MRTFB: variants seen among roughly 807,000 people sequenced by gnomAD.
MRTFB encodes myocardin-related transcription factor B.
In MRTFB, 29 loss-of-function variants were observed where a neutral mutation model predicts 104.2. The observed-to-expected ratio is 0.28, with a 90% CI of 0.21 to 0.38. The LOEUF is 0.38. Ranked by LOEUF, MRTFB falls within the 10% of genes least tolerant of loss-of-function variation. The probability of loss-of-function intolerance (pLI) is 1.00; values close to 1 mark genes in which losing one functional copy is unlikely to be tolerated. For synonymous variants in MRTFB, 535 were observed against 519.5 expected, an observed-to-expected ratio of 1.03 and a Z score of -0.41; for missense variants, 1,270 against 1,341.6, an observed-to-expected ratio of 0.95 and a Z score of 0.83.
At chr16:14,039,825 T>C in the MRTFB span, among the ~76,000 whole-genome samples, 9 of 150,908 alleles carry the variant, frequency 6.0e-5, no homozygotes, top group Admixed American at 6.0e-4. Context: ...CTCGGCTCAC[T>C]GCAACCTCCG....
At chr16:14,216,401 CATTAACAAG>C (rs2041428791) in intron 6 of MRTFB, among the ~76,000 whole-genome samples, 1 of 152,092 alleles carries the variant, frequency 6.6e-6, no homozygotes, top group Admixed American at 6.6e-5. Flanking sequence ...ATGGAAAAAA[CATTAACAAG>C]AGTTACCAGA....
intron 2 of MRTFB, among the ~76,000 whole-genome samples, chr16:14,128,634 A>G (rs755071301): frequency 1.3e-5 from 2 of 152,156 alleles, no homozygotes; most frequent in Non-Finnish European, 2.9e-5. Flanking sequence ...ATCTTTCCAT[A>G]TCAGTATCAC....
At chr16:14,067,028 T>C (rs2033533046), upstream of MRTFB, among the ~76,000 whole-genome samples, 1 of 152,072 alleles carries the variant, frequency 6.6e-6, no homozygotes, top group South Asian at 2.1e-4. Flanking sequence ...GTGGTCTTGT[T>C]ATGCCCACCC....
intron 3 of MRTFB, among the ~76,000 whole-genome samples, chr16:14,190,326 A>G (rs946490516): frequency 6.6e-6 from 1 of 152,216 alleles, no homozygotes; most frequent in Non-Finnish European, 1.5e-5. Context: ...CTCTGATTAC[A>G]CTCAACATAC....
chr16:14,259,272 C>T (rs1223567327), intron 16 of MRTFB, among the ~76,000 whole-genome samples: 1 of 151,242 alleles, frequency 6.6e-6, no homozygotes, highest in Non-Finnish European at 1.5e-5. Flanking sequence ...CCCGTCTCTA[C>T]TAAAAATACA....
the MRTFB span, among the ~76,000 whole-genome samples, chr16:14,056,121 G>C: frequency 1.5e-4 from 23 of 152,196 alleles, no homozygotes; most frequent in East Asian, 3.9e-3. Context: ...TGGGATTACA[G>C]GTGTGCACCA....
At chr16:14,027,372 A>G in the MRTFB span, among the ~76,000 whole-genome samples, 1 of 152,216 alleles carries the variant, frequency 6.6e-6, no homozygotes, top group African/African-American at 2.4e-5. Context: ...GCCAGGGGTT[A>G]GGATTGGAGA....
intron 2 of MRTFB, among the ~76,000 whole-genome samples, chr16:14,079,767 A>C (rs1031205436): frequency 6.6e-6 from 1 of 152,094 alleles, no homozygotes; most frequent in Non-Finnish European, 1.5e-5. Flanking sequence ...TTTTACTATA[A>C]TAATGAAAAA....
At chr16:14,004,887 C>T in the MRTFB span, among the ~76,000 whole-genome samples, 1 of 152,244 alleles carries the variant, frequency 6.6e-6, no homozygotes, top group African/African-American at 2.4e-5. Context: ...AGAACCAGCT[C>T]CCATCTGTCC....
intron 3 of MRTFB, among the ~76,000 whole-genome samples, chr16:14,199,184 C>T (rs561578780): frequency 6.6e-6 from 1 of 152,312 alleles, no homozygotes; most frequent in East Asian, 1.9e-4. Context: ...TTGATCATGC[C>T]TCCTTTAAAA....
chr16:14,154,703 CAG>C (rs941621527), intron 3 of MRTFB, among the ~76,000 whole-genome samples: 94 of 152,282 alleles, frequency 6.2e-4, no homozygotes, highest in African/African-American at 1.7e-3. Context: ...CAGCCAAGGC[CAG>C]AGTTTCATCT....
intron 3 of MRTFB, among the ~76,000 whole-genome samples, chr16:14,158,971 A>AT (rs1287599033): frequency 6.3e-5 from 9 of 143,652 alleles, no homozygotes; most frequent in Non-Finnish European, 1.2e-4. Context: ...TCTCATAAAG[A>AT]TTAAAAAAAA....
chr16:14,064,719 C>A, the MRTFB span, among the ~76,000 whole-genome samples: 1 of 152,166 alleles, frequency 6.6e-6, no homozygotes, highest in Non-Finnish European at 1.5e-5. Context: ...AAAGGGAATC[C>A]TTTCCCCATT....
At chr16:14,197,819 G>A (rs2040506568) in intron 3 of MRTFB, among the ~76,000 whole-genome samples, 1 of 152,138 alleles carries the variant, frequency 6.6e-6, no homozygotes, top group Non-Finnish European at 1.5e-5. Flanking sequence ...ATTATTAATG[G>A]TTAATGGAAT....
At chr16:14,029,530 C>CACACAT in the MRTFB span, among the ~76,000 whole-genome samples, 44 of 145,738 alleles carry the variant, frequency 3.0e-4, no homozygotes, top group East Asian at 1.8e-3. Context: ...CACACACACA[C>CACACAT]ATATATATAT....
chr16:14,230,640 C>T (rs1207215037), intron 8 of MRTFB, among the ~76,000 whole-genome samples: 1 of 152,126 alleles, frequency 6.6e-6, no homozygotes, highest in African/African-American at 2.4e-5. Context: ...ACAACAGGTA[C>T]TGGAGAGGAT....
chr16:14,069,471 C>T (rs2033568790), upstream of MRTFB, among the ~76,000 whole-genome samples: 1 of 152,180 alleles, frequency 6.6e-6, no homozygotes, highest in Non-Finnish European at 1.5e-5. Flanking sequence ...CATACATCCC[C>T]TCTTATGAAT....
chr16:14,014,095 C>A, the MRTFB span, among the ~76,000 whole-genome samples: 1 of 152,192 alleles, frequency 6.6e-6, no homozygotes, highest in Non-Finnish European at 1.5e-5. Context: ...CATGCCCTCC[C>A]CTCCTCTCCC....
the MRTFB span, among the ~76,000 whole-genome samples, chr16:13,997,899 T>C: frequency 0.35 from 52,547 of 151,760 alleles, 12,425 homozygotes; most frequent in African/African-American, 0.67. Context: ...AAGACAAGCA[T>C]GATGCTTGCC....
Sources: gnomAD v4.1 joint callset for allele counts (sites outside exome capture counted in the v4.1 genomes callset) on GRCh38, gnomAD v4.1.1 for gene constraint, MANE v1.5 for transcripts, NCBI Gene and HGNC (gene_info 2026-07-23, HGNC 2026-07-21) for gene names.